The following GUCY1A1 variants were observed in gnomAD, a reference collection of about 807,000 sequenced individuals.
GUCY1A1 encodes guanylate cyclase soluble subunit alpha-1.
GUCY1A1 carries 48 observed loss-of-function variants against 64.5 expected under a neutral mutation model. That is an observed-to-expected ratio of 0.74 (90% CI 0.59 to 0.95). The LOEUF is 0.95. Ranked by LOEUF, GUCY1A1 falls within the 40% of genes least tolerant of loss-of-function variation. GUCY1A1 has a pLI of 0.00. For missense variants in GUCY1A1, 804 were observed against 825.3 expected, an observed-to-expected ratio of 0.97 and a Z score of 0.32; for synonymous variants, 308 against 303.4, an observed-to-expected ratio of 1.02 and a Z score of -0.16.
At chr4:155,721,125 G>A (rs1733906827) in intron 8 of GUCY1A1, among the ~76,000 whole-genome samples, 1 of 152,114 alleles carries the variant, frequency 6.6e-6, no homozygotes, top group African/African-American at 2.4e-5. Context: ...TTATCCAGGT[G>A]TGATGGTGCA....
At chr4:155,681,502 A>C (rs1735768020) in intron 2 of GUCY1A1, among the ~76,000 whole-genome samples, 1 of 152,168 alleles carries the variant, frequency 6.6e-6, no homozygotes, top group South Asian at 2.1e-4. Flanking sequence ...TCAGTCTACT[A>C]TTCTTATTCA....
At chr4:155,689,159 G>A (rs1368966384) in intron 2 of GUCY1A1, among the ~76,000 whole-genome samples, 1 of 151,252 alleles carries the variant, frequency 6.6e-6, no homozygotes, top group African/African-American at 2.4e-5. Context: ...TTTGAAAACA[G>A]ATAAAAACAA....
At chr4:155,727,913 C>G (rs28544315) in intron 9 of GUCY1A1, among the ~76,000 whole-genome samples, 1,889 of 151,966 alleles carry the variant, frequency 0.012, 40 homozygotes, top group African/African-American at 0.043. Flanking sequence ...TCTCTGCAGA[C>G]AGTCTCCCAA....
rs1736111889 is a variant in GUCY1A1 at position 155,736,945 on chromosome 4, C to T, written c.*6714C>T. On this transcript the variant is annotated 3_prime_UTR_variant, in exon 10 of 10. Coordinates refer to ENST00000506455, the MANE Select transcript of GUCY1A1 (RefSeq NM_001130682.3). Reference sequence around the variant, plus strand: ...TATTTATTTCGAGTTTTACTTCTGGCTGAGTTGCAAAGTCTATGAGAATGT... The same window carrying T: ...TATTTATTTCGAGTTTTACTTCTGGTTGAGTTGCAAAGTCTATGAGAATGT... 1 of 151,864 alleles carries T rather than the reference C, an allele frequency of 6.6e-6. No individual in the cohort carries two copies. The highest frequency in any genetic ancestry group is 1.5e-5 in the Non-Finnish European group (1 of 67,932). The allele number at this position is 151,864 out of a possible 1,614,324, so 9.4% of individuals were successfully genotyped here.
chr4:155,690,554 C>T (rs1560926763), intron 2 of GUCY1A1, among the ~76,000 whole-genome samples: 1 of 152,130 alleles, frequency 6.6e-6, no homozygotes, highest in East Asian at 1.9e-4. Context: ...TGACCTCTGT[C>T]TATTTTGTCT....
rs751130146 is a variant in GUCY1A1 at position 155,708,221 on chromosome 4, T to C, written c.318-15T>C. ...ATTTATAAGTTTATAACTTAAAATA[T>C]TGAAATATTTCCAGGAAATCTTTGG... is the stretch of plus-strand genomic sequence containing the variant. On this transcript the variant is annotated splice_polypyrimidine_tract_variant and intron_variant, in intron 4 of 9. Transcript: ENST00000506455. 3 of 1,267,856 alleles carry C rather than the reference T, an allele frequency of 2.4e-6. No homozygotes were observed. Among genetic ancestry groups the C allele is most frequent in the Non-Finnish European group, 3.5e-6 (3 of 868,212 alleles). 78.5% of individuals were successfully genotyped at this position (1,267,856 alleles called of 1,614,324 possible). A position where few individuals can be genotyped will look rare whatever the true frequency, so the allele number is the denominator to read the frequency against.
chr4:155,687,006 T>C (rs1389474824), intron 2 of GUCY1A1, among the ~76,000 whole-genome samples: 1 of 152,200 alleles, frequency 6.6e-6, no homozygotes, highest in Non-Finnish European at 1.5e-5. Context: ...TAAAGATTGC[T>C]TTCTATATTT....
chr4:155,730,425 A>C lies in GUCY1A1; in HGVS notation c.*194A>C, dbSNP rs1239447228. On this transcript the variant is annotated 3_prime_UTR_variant, in exon 10 of 10. Coordinates refer to ENST00000506455, the MANE Select transcript of GUCY1A1 (RefSeq NM_001130682.3). ...CAGTACTTCAGCTCTTCAAGAAAAAAAAAAAAAACCTTAAAAAGCTACTTT... is the reference window on the plus strand; with the variant it reads ...CAGTACTTCAGCTCTTCAAGAAAAACAAAAAAAACCTTAAAAAGCTACTTT... 2 of 450,300 alleles carry C rather than the reference A, an allele frequency of 4.4e-6. No individual in the cohort carries two copies. Among genetic ancestry groups the C allele is most frequent in the Non-Finnish European group, 7.9e-6 (2 of 254,070 alleles). 27.9% of individuals were successfully genotyped at this position (450,300 alleles called of 1,614,324 possible).
rs1186303309 is a variant in GUCY1A1, at chr4:155,734,544, T to G, written c.*4313T>G. 1 of 151,934 alleles carries G rather than the reference T, an allele frequency of 6.6e-6. No individual in the cohort carries two copies. The highest frequency in any genetic ancestry group is 2.4e-5 in the African/African-American group (1 of 41,400). The allele number at this position is 151,934 out of a possible 1,614,324, so 9.4% of individuals were successfully genotyped here. A position where few individuals can be genotyped will look rare whatever the true frequency, so the allele number is the denominator to read the frequency against. ...TCATTTATTTCACCTCATTTTGCAC[T>G]TCAATGCAATTTCACTCTTTAGGTG... On this transcript the variant is annotated 3_prime_UTR_variant, in exon 10 of 10. Coordinates refer to ENST00000506455, the MANE Select transcript of GUCY1A1 (RefSeq NM_001130682.3).
At chr4:155,717,962 G>A (rs1441496416) in intron 8 of GUCY1A1, among the ~76,000 whole-genome samples, 3 of 152,192 alleles carry the variant, frequency 2.0e-5, no homozygotes, top group Non-Finnish European at 4.4e-5. Context: ...GCCCCTGGAG[G>A]AGAGGATATT....
chr4:155,728,056 G>T (rs1407914992), intron 9 of GUCY1A1, among the ~76,000 whole-genome samples: 1 of 151,878 alleles, frequency 6.6e-6, no homozygotes, highest in African/African-American at 2.4e-5. Flanking sequence ...GAAAAATAAA[G>T]CCAGAGGAAA....
chr4:155,687,371 C>CT (rs1560923154), intron 2 of GUCY1A1, among the ~76,000 whole-genome samples: 1 of 152,052 alleles, frequency 6.6e-6, no homozygotes, highest in African/African-American at 2.4e-5. Flanking sequence ...GGACTTTTAT[C>CT]TTTTTTTAAA....
intron 3 of GUCY1A1, among the ~76,000 whole-genome samples, chr4:155,700,400 A>G (rs1730927990): frequency 1.3e-5 from 2 of 152,210 alleles, no homozygotes; most frequent in Admixed American, 1.3e-4. Flanking sequence ...ATTGGTCTAG[A>G]AAAACGTTAA....
intron 5 of GUCY1A1, among the ~76,000 whole-genome samples, chr4:155,709,222 G>A (rs1342761201): frequency 6.6e-6 from 1 of 151,852 alleles, no homozygotes; most frequent in African/African-American, 2.4e-5. Context: ...ACATTCACTC[G>A]TGATAAAAAC....
At chr4:155,717,340 G>T (rs1457820942) in intron 8 of GUCY1A1, 38 bp downstream of exon 8, 2 of 1,453,978 alleles carry the variant, frequency 1.4e-6, no homozygotes, top group South Asian at 1.5e-5. Flanking sequence ...GATGTCACAA[G>T]AGCAAATGCG....
At chr4:155,688,730 G>GA (rs1233675740) in intron 2 of GUCY1A1, among the ~76,000 whole-genome samples, 2 of 151,168 alleles carry the variant, frequency 1.3e-5, no homozygotes, top group Non-Finnish European at 2.9e-5. Context: ...AGGACTTAGG[G>GA]AAAAAATGTG....
intron 2 of GUCY1A1, among the ~76,000 whole-genome samples, chr4:155,674,777 G>C (rs1398636017): frequency 6.6e-6 from 1 of 151,412 alleles, no homozygotes; most frequent in Middle Eastern, 3.2e-3. Context: ...GCTGTTTTAC[G>C]GTTAACTTAT....
At chr4:155,697,176 A>C (rs1730531709) in intron 3 of GUCY1A1, 54 bp downstream of exon 3, 1 of 1,412,832 alleles carries the variant, frequency 7.1e-7, no homozygotes, top group African/African-American at 1.4e-5. Flanking sequence ...ATTGTAGAAG[A>C]ATGTTTTTCC....
At chr4:155,705,676 C>G (rs1731665435) in intron 4 of GUCY1A1, among the ~76,000 whole-genome samples, 1 of 152,046 alleles carries the variant, frequency 6.6e-6, no homozygotes, top group Admixed American at 6.5e-5. Context: ...TACAAACCAG[C>G]ACTATTGTCA....
Sources: gnomAD v4.1 joint callset for allele counts (sites outside exome capture counted in the v4.1 genomes callset) on GRCh38, gnomAD v4.1.1 for gene constraint, MANE v1.5 for transcripts, NCBI Gene and HGNC (gene_info 2026-07-23, HGNC 2026-07-21) for gene names.